Variants in CEP295NL observed in about 807,000 individuals in gnomAD.
The protein encoded by CEP295NL is protein DDC8 homolog.
Under a neutral mutation model 4.6 loss-of-function variants are expected in CEP295NL, and 3 were observed. The ratio of observed to expected loss-of-function variants is 0.65; its 90% CI spans 0.30 to 1.69. CEP295NL has a LOEUF of 1.69. Ranked by LOEUF, CEP295NL falls within the 40% of genes most tolerant of loss-of-function variation. The pLI, the probability that CEP295NL is intolerant of heterozygous loss-of-function variation, is 0.10. For synonymous variants in CEP295NL, 295 were observed against 312.2 expected, an observed-to-expected ratio of 0.94 and a Z score of 0.58; for missense variants, 719 against 769.0, an observed-to-expected ratio of 0.93 and a Z score of 0.77.
At position 78,901,793 on chromosome 17, in the gene CEP295NL, T is replaced by A. The variant is rs2070097407; in HGVS notation, c.36A>T (p.Arg12Ser). 1.4e-6 allele frequency: 1 copy of A among 716,680 alleles called. No individual in the cohort carries two copies. The highest frequency in any genetic ancestry group is 2.6e-6 in the Non-Finnish European group (1 of 384,920). 44.4% of individuals were successfully genotyped at this position (716,680 alleles called of 1,614,324 possible). ...AGAGGGGTGGTACTTACTGTGTGTGTCTCCAGATGACTGAGCTAGACCACC... is the reference window on the plus strand; with the variant it reads ...AGAGGGGTGGTACTTACTGTGTGTGACTCCAGATGACTGAGCTAGACCACC... Reference protein sequence around the residue: ...CSGWSSSVIWRHTQFAVERCG... With the variant: ...CSGWSSSVIWSHTQFAVERCG... The change falls in exon 2 of 3, where the codon AGA becomes AGT. Residue 12 changes from arginine to serine, a missense_variant. By Grantham distance (110) the Arg-to-Ser change is moderately radical. Transcript: ENST00000322630.
intron 2 of CEP295NL, 168 bp from the exon 3 acceptor site, chr17:78,892,627 T>C: frequency 3.0e-6 from 3 of 1,015,882 alleles, no homozygotes; most frequent in Non-Finnish European, 4.2e-6. Context: ...GCCTCCCAAT[T>C]TCTGTCCTGT....
intron 1 of CEP295NL, 119 bp from the exon 2 acceptor site, chr17:78,902,045 T>C: frequency 1.9e-6 from 1 of 526,540 alleles, no homozygotes; most frequent in East Asian, 3.2e-5. Context: ...TGCCAGAGGC[T>C]TGGTTTTCGC....
Position 78,890,931 on chromosome 17 carries a change from G to A in CEP295NL, c.1573C>T (p.His525Tyr). 1 of 1,550,860 alleles carries A rather than the reference G, an allele frequency of 6.4e-7. No homozygotes were observed. The highest frequency in any genetic ancestry group is 8.7e-7 in the Non-Finnish European group (1 of 1,147,072). The change falls in exon 3 of 3, where the codon CAC becomes TAC. Residue 525 changes from histidine to tyrosine, a missense_variant. Transcript: ENST00000322630. The stretch of plus-strand genomic sequence containing the variant: ...TGGATTTCCAAGCTCATATCTGGGT[G>A]TTCCATTTGTTCAAGCGATTCCAGT... ...KQLESLEQME[H>Y]PDMSLEIHYK... is the part of the protein sequence containing the mutation.
Position 78,891,814 on chromosome 17 carries a change from C to T in CEP295NL, c.690G>A (p.Ser230=), listed in dbSNP as rs985115657. ...CACAGCGGCCACCCCCAGACTTGGTCGAAGGTTCTGGCCTTCCCTTTCTCT... is the reference window on the plus strand; with the variant it reads ...CACAGCGGCCACCCCCAGACTTGGTTGAAGGTTCTGGCCTTCCCTTTCTCT... ...PEKRKGRPEP[S]TKSGGGRCAI... The change falls in exon 3 of 3, where the codon TCG becomes TCA. Residue 230 remains serine, a synonymous_variant. Transcript: ENST00000322630. This position sits in a 1 kb window ranked among gnomAD's most constrained non-coding sequence, Gnocchi z 4.5. The T allele has an allele frequency of 3.1e-5, 48 of 1,550,792 alleles. No individual in the cohort carries two copies. The African/African-American group carries it at 3.7e-4, about 12-fold the overall frequency.
intron 2 of CEP295NL, among the ~76,000 whole-genome samples, chr17:78,895,967 C>T (rs1003976490): frequency 3.9e-5 from 6 of 152,244 alleles, no homozygotes; most frequent in Admixed American, 1.3e-4. Flanking sequence ...CAGTGCACCC[C>T]GTGCCAGCCC....
At position 78,892,594 on chromosome 17, in the gene CEP295NL, G is replaced by A. The variant is rs115861876; in HGVS notation, c.45-135C>T. Reference sequence around the variant, plus strand: ...GTGCCCCTCCAAGCTCTCTTGACCCGTGCCCACCAGGGCCCACTCTCAGCC... The same window carrying A: ...GTGCCCCTCCAAGCTCTCTTGACCCATGCCCACCAGGGCCCACTCTCAGCC... On this transcript the variant is annotated intron_variant, in intron 2 of 2. Transcript: ENST00000322630. 3,437 of 1,357,410 alleles carry A rather than the reference G, an allele frequency of 2.5e-3. 48 individuals are homozygous for A. In the African/African-American group the frequency reaches 0.041, roughly 16 times the overall value. 84.1% of individuals were successfully genotyped at this position (1,357,410 alleles called of 1,614,324 possible).
At chr17:78,901,394 A>G in intron 2 of CEP295NL, 1 of 252,724 alleles carries the variant, frequency 4.0e-6, no homozygotes, top group African/African-American at 2.2e-5. Flanking sequence ...ACAAGGAGCA[A>G]ATCTGAACGA....
chr17:78,893,461 G>GC (rs2069948789), intron 2 of CEP295NL, among the ~76,000 whole-genome samples: 3 of 150,424 alleles, frequency 2.0e-5, no homozygotes, highest in African/African-American at 7.3e-5. Flanking sequence ...GTGTGCAGGG[G>GC]TGTGTGTGCA....
intron 2 of CEP295NL, chr17:78,897,813 G>C (rs2070027308): frequency 6.6e-6 from 1 of 152,218 alleles, no homozygotes; most frequent in South Asian, 2.1e-4. Context: ...CCCTTGGCTA[G>C]AGTCACTGCA....
Position 78,892,074 on chromosome 17 carries a change from G to A in CEP295NL, c.430C>T (p.Arg144Trp), listed in dbSNP as rs745449724. 21 of 1,551,654 alleles carry A rather than the reference G, an allele frequency of 1.4e-5. No homozygotes were observed. Among genetic ancestry groups the A allele is most frequent in the African/African-American group, 4.1e-5 (3 of 73,018 alleles). The change falls in exon 3 of 3, where the codon CGG becomes TGG. Residue 144 changes from arginine (R) to tryptophan (W), a missense_variant. Physicochemically the swap from Arg to Trp is moderately radical, Grantham distance 101 (BLOSUM62 -3). Coordinates refer to ENST00000322630, the MANE Select transcript of CEP295NL (RefSeq NM_001243540.2). ...SARLLGWGGG[R>W]ARENEPDSQG... ...GAGTCAGGCTCATTTTCCCTGGCCC[G>A]TCCTCCTCCCCAGCCCAACAGACGT...
intron 2 of CEP295NL, chr17:78,897,815 G>A (rs1016162871): frequency 6.6e-6 from 1 of 152,190 alleles, no homozygotes; most frequent in African/African-American, 2.4e-5. Context: ...CTTGGCTAGA[G>A]TCACTGCAAC....
chr17:78,902,080 C>T lies in CEP295NL; in HGVS notation c.-98-154G>A, dbSNP rs150130281. 2.0e-4 allele frequency among the ~76,000 whole-genome samples: 31 copies of T among 152,368 alleles called. No homozygotes were observed. In the East Asian group the frequency reaches 5.0e-3, roughly 25 times the overall value. On this transcript the variant is annotated intron_variant, in intron 1 of 2. Transcript: ENST00000322630. The stretch of plus-strand genomic sequence containing the variant: ...CCCTCTTCTCCCCAACTCTTAGCCA[C>T]GTCCCAGTGGTGGCGGGGGGACGGG...
In CEP295NL at chr17:78,890,728, C is replaced by G. The variant is rs1224944830; in HGVS notation, c.1776G>C (p.Gln592His). The G allele has an allele frequency of 1.9e-6, 3 of 1,550,558 alleles. No homozygotes were observed. Among genetic ancestry groups the G allele is most frequent in the Non-Finnish European group, 2.6e-6 (3 of 1,147,024 alleles). Residue 592 changes from glutamine to histidine, a missense_variant, in exon 3 of 3, where the codon CAG becomes CAC. Gln to His is a conservative substitution (Grantham distance 24). Coordinates refer to ENST00000322630, the MANE Select transcript of CEP295NL (RefSeq NM_001243540.2). Reference protein sequence around the residue: ...DDRHSQMIRDQQQQILQQNRL... With the variant: ...DDRHSQMIRDHQQQILQQNRL... ...TGTTTTGCTGTAAGATCTGCTGCTG[C>G]TGGTCTCGGATCATCTGACTGTGCC...
In CEP295NL at chr17:78,891,715, G is replaced by C. The variant is rs1452502279; in HGVS notation, c.789C>G (p.Ile263Met). The C allele has an allele frequency of 2.8e-5, 43 of 1,551,078 alleles. No individual in the cohort carries two copies. The highest frequency in any genetic ancestry group is 1.7e-4 in the Middle Eastern group (1 of 5,998). ...SNPLVAAVGE[I>M]GLVEEKEKGT... ...CTTTCTCTTTTTCCTCCACAAGCCC[G>C]ATTTCTCCCACAGCAGCCACGAGTG... The change falls in exon 3 of 3, where the codon ATC becomes ATG. Residue 263 changes from isoleucine (I) to methionine (M), a missense_variant. By Grantham distance (10) the Ile-to-Met change is conservative (BLOSUM62 1). Transcript: ENST00000322630. This position sits in a 1 kb window ranked among gnomAD's most constrained non-coding sequence, Gnocchi z 4.5.
chr17:78,891,052 G>T lies in CEP295NL; in HGVS notation c.1452C>A (p.Ser484=). 6.4e-7 allele frequency: 1 copy of T among 1,551,070 alleles called. No individual in the cohort carries two copies. ...TPKLGTLAEG[S]LQLHLQDQAD... is the part of the protein sequence containing the mutation. The stretch of plus-strand genomic sequence containing the variant: ...CCTGGTCTTGAAGGTGGAGCTGAAG[G>T]GAGCCCTCTGCCAGCGTGCCCAGTT... Residue 484 remains serine, a synonymous_variant, in exon 3 of 3, where the codon TCC becomes TCA. Coordinates refer to ENST00000322630, the MANE Select transcript of CEP295NL (RefSeq NM_001243540.2). This position sits in a 1 kb window ranked among gnomAD's most constrained non-coding sequence, Gnocchi z 4.5.
intron 2 of CEP295NL, among the ~76,000 whole-genome samples, chr17:78,894,342 A>T: frequency 6.6e-6 from 1 of 152,056 alleles, no homozygotes; most frequent in East Asian, 1.9e-4. Flanking sequence ...GTCACACTGC[A>T]GCTGGCTTTG....
chr17:78,892,985 G>A (rs1161667606), intron 2 of CEP295NL, among the ~76,000 whole-genome samples: 2 of 152,288 alleles, frequency 1.3e-5, no homozygotes, highest in Non-Finnish European at 1.5e-5. Flanking sequence ...GAGGAAGTCT[G>A]GGCCTCTGGA....
intron 2 of CEP295NL, among the ~76,000 whole-genome samples, chr17:78,893,224 GGTGTGTGTGCATGTGTGTGTAGGA>G (rs1171453997): frequency 2.2e-5 from 3 of 135,228 alleles, no homozygotes; most frequent in South Asian, 2.5e-4. Flanking sequence ...TGTGTGCAGG[GGTGTGTGTGCATGTGTGTGTAGGA>G]GTGTGTGTGC....
rs1231450670 is a variant in CEP295NL, at chr17:78,891,421, C to T, written c.1083G>A (p.Leu361=). 2 of 1,550,708 alleles carry T rather than the reference C, an allele frequency of 1.3e-6. No individual in the cohort carries two copies. Among genetic ancestry groups the T allele is most frequent in the East Asian group, 2.4e-5 (1 of 40,934 alleles). ...CCATCCTGGGCTTCAGTGCCAGGTA[C>T]AAGCACAGGTGTTTTTTCAGCTTTC... The part of the protein sequence containing the change: ...INRKLKKHLC[L]YLALKPRMDQ... The change falls in exon 3 of 3, where the codon TTG becomes TTA. Residue 361 remains leucine (L), a synonymous_variant. Transcript: ENST00000322630. The surrounding 1 kb of genome is among the most constrained non-coding windows in gnomAD (Gnocchi z 4.5).
Sources: gnomAD v4.1 joint callset for allele counts (sites outside exome capture counted in the v4.1 genomes callset) on GRCh38, gnomAD v4.1.1 for gene constraint, Gnocchi (gnomAD v3.1) non-coding constraint, MANE v1.5 for transcripts, NCBI Gene and HGNC (gene_info 2026-07-23, HGNC 2026-07-21) for gene names.